TRPC5: variants seen among roughly 807,000 people sequenced by gnomAD.
TRPC5 encodes transient receptor potential cation channel subfamily C member 5.
TRPC5 carries 9 observed loss-of-function variants against 56.5 expected under a neutral mutation model. The observed-to-expected ratio is 0.16, with a 90% CI of 0.10 to 0.28. TRPC5 has a LOEUF of 0.28. Among genes scored for constraint, TRPC5 ranks in the 10% least tolerant of loss-of-function variants. The probability of loss-of-function intolerance (pLI) is 1.00; values close to 1 mark genes in which losing one functional copy is unlikely to be tolerated. For synonymous variants in TRPC5, 282 were observed against 278.5 expected, an observed-to-expected ratio of 1.01 and a Z score of -0.13; for missense variants, 469 against 748.9, an observed-to-expected ratio of 0.63 and a Z score of 4.36.
At chrX:111,962,970 A>G (rs745462002) in intron 1 of TRPC5, among the ~76,000 whole-genome samples, 2 of 111,698 alleles carry the variant, frequency 1.8e-5, no homozygotes, top group South Asian at 7.6e-4. Context: ...AGTGCCAGAC[A>G]GTGGGAGCAG....
At chrX:111,940,910 C>T (rs891804021) in intron 2 of TRPC5, among the ~76,000 whole-genome samples, 6 of 111,057 alleles carry the variant, frequency 5.4e-5, no homozygotes, top group African/African-American at 2.0e-4. Context: ...ATGGACTGGT[C>T]CTGGTGGGTT....
chrX:111,929,203 G>A (rs774256722), intron 2 of TRPC5, among the ~76,000 whole-genome samples: 6 of 112,066 alleles, frequency 5.4e-5, no homozygotes, highest in African/African-American at 1.3e-4. Flanking sequence ...CAGTGAATAG[G>A]TATGCAAGGA....
intron 1 of TRPC5, among the ~76,000 whole-genome samples, chrX:112,020,678 C>T (rs1367334195): frequency 2.7e-5 from 3 of 111,265 alleles, no homozygotes; most frequent in Non-Finnish European, 3.8e-5. Context: ...GGGGTGTGAC[C>T]GTCAATGATC....
chrX:111,817,086 G>A (rs896862159), intron 7 of TRPC5, among the ~76,000 whole-genome samples: 1 of 110,988 alleles, frequency 9.0e-6, no homozygotes, highest in Non-Finnish European at 1.9e-5. Context: ...CCTTAGAAGT[G>A]GTGCTTGCCA....
At chrX:111,777,077 G>A in intron 10 of TRPC5, 75 bp from the exon 11 acceptor site, 4 of 874,187 alleles carry the variant, frequency 4.6e-6, no homozygotes, top group Non-Finnish European at 6.1e-6. Flanking sequence ...AGATACCTTT[G>A]GTATGTTCCA....
chrX:111,890,550 A>G (rs1354105660), intron 3 of TRPC5, among the ~76,000 whole-genome samples: 2 of 110,967 alleles, frequency 1.8e-5, no homozygotes, highest in Admixed American at 9.6e-5. Context: ...CCTGGAACCA[A>G]TCCTCCTGTA....
intron 2 of TRPC5, among the ~76,000 whole-genome samples, chrX:111,928,273 G>A (rs759110596): frequency 9.0e-6 from 1 of 111,507 alleles, no homozygotes; most frequent in East Asian, 2.8e-4. Context: ...ATAACTTGTG[G>A]TTACCAGGAA....
intron 1 of TRPC5, among the ~76,000 whole-genome samples, chrX:111,981,200 A>C (rs1046913666): frequency 2.7e-5 from 3 of 110,060 alleles, no homozygotes; most frequent in Admixed American, 9.9e-5. Flanking sequence ...CTGATGATGC[A>C]TGTTCCAGTT....
intron 1 of TRPC5, among the ~76,000 whole-genome samples, chrX:112,011,793 A>G (rs1017785354): frequency 9.0e-6 from 1 of 111,709 alleles, no homozygotes; most frequent in African/African-American, 3.3e-5. Flanking sequence ...TGCACTGCAC[A>G]TTTTGCTTTA....
intron 10 of TRPC5, among the ~76,000 whole-genome samples, chrX:111,778,329 C>A (rs1296861325): frequency 9.0e-6 from 1 of 111,186 alleles, no homozygotes; most frequent in Non-Finnish European, 1.9e-5. Flanking sequence ...TAGATGTGTT[C>A]TAGGATAGGA....
intron 1 of TRPC5, among the ~76,000 whole-genome samples, chrX:112,069,143 C>T (rs1930657090): frequency 8.9e-6 from 1 of 111,921 alleles, no homozygotes; most frequent in South Asian, 3.8e-4. Flanking sequence ...ATCCTCCCAA[C>T]AACTCTATTA....
chrX:111,820,602 T>A (rs1922002519), intron 7 of TRPC5, among the ~76,000 whole-genome samples: 1 of 112,136 alleles, frequency 8.9e-6, no homozygotes, highest in African/African-American at 3.2e-5. Context: ...TATGACCGAT[T>A]TTGTGTTACA....
At chrX:112,005,463 T>TAAAAAAAAAAAAAAAAAAAA (rs745973541) in intron 1 of TRPC5, among the ~76,000 whole-genome samples, 17 of 66,367 alleles carry the variant, frequency 2.6e-4, no homozygotes, top group African/African-American at 8.9e-4. Context: ...AACCTAAAAG[T>TAAAAAAAAAAAAAAAAAAAA]AAAAAAAAAA....
At chrX:111,832,737 G>A (rs189716248) in intron 7 of TRPC5, among the ~76,000 whole-genome samples, 24 of 111,261 alleles carry the variant, frequency 2.2e-4, no homozygotes, top group East Asian at 1.4e-3. Context: ...GCCATCTACC[G>A]TTGGCTCCCT....
intron 1 of TRPC5, among the ~76,000 whole-genome samples, chrX:112,071,563 C>G (rs1413406809): frequency 9.0e-6 from 1 of 111,412 alleles, no homozygotes; most frequent in Non-Finnish European, 1.9e-5. Flanking sequence ...GTTTTTGTGC[C>G]ATATGCTCTC....
intron 5 of TRPC5, among the ~76,000 whole-genome samples, chrX:111,848,111 T>C (rs1184479725): frequency 1.8e-5 from 2 of 111,359 alleles, no homozygotes; most frequent in East Asian, 5.6e-4. Context: ...CATACAGTGG[T>C]GTATGGTTGT....
At chrX:111,786,818 A>T (rs1945970082) in intron 7 of TRPC5, among the ~76,000 whole-genome samples, 1 of 111,814 alleles carries the variant, frequency 8.9e-6, no homozygotes, top group African/African-American at 3.3e-5. Flanking sequence ...AGAGACAAAG[A>T]AGGCCATTAC....
rs111454826 is a variant in TRPC5 at position 111,973,849 on chromosome X, G to A, written c.-21-21408C>T. ...GCTCCTGAGGTTATTTATATCTATT[G>A]TATTACATATGTTGTAGAAATATTA... On this transcript the variant is annotated intron_variant, in intron 1 of 10. Transcript: ENST00000262839. 4.4e-4 allele frequency among the ~76,000 whole-genome samples: 49 copies of A among 111,665 alleles called. 1 individual carries two copies. The highest frequency in any genetic ancestry group is 1.5e-3 in the African/African-American group (47 of 30,756).
intron 1 of TRPC5, among the ~76,000 whole-genome samples, chrX:112,065,492 C>T (rs1050867617): frequency 8.0e-5 from 9 of 111,889 alleles, no homozygotes; most frequent in Non-Finnish European, 1.5e-4. Flanking sequence ...TTCAAACCTC[C>T]GTTTTCTGGT....
Sources: allele counts gnomAD v4.1 joint callset (sites outside exome capture counted in the v4.1 genomes callset), GRCh38; gene constraint gnomAD v4.1.1; transcripts MANE v1.5; gene names NCBI Gene and HGNC (gene_info 2026-07-23, HGNC 2026-07-21).